The following CNTNAP2 variants were observed in gnomAD, a reference collection of about 807,000 sequenced individuals.
CNTNAP2 encodes contactin-associated protein-like 2.
CNTNAP2 carries 98 observed loss-of-function variants against 155.2 expected under a neutral mutation model. That is an observed-to-expected ratio of 0.63 (90% confidence interval 0.54 to 0.75). The LOEUF (loss-of-function observed/expected upper bound fraction) is 0.75. Among genes scored for constraint, CNTNAP2 ranks in the 30% least tolerant of loss-of-function variants. CNTNAP2 has a pLI of 0.00. For missense variants in CNTNAP2, 1,727 were observed against 1,688.1 expected, an observed-to-expected ratio of 1.02 and a Z score of -0.40; for synonymous variants, 651 against 631.2, an observed-to-expected ratio of 1.03 and a Z score of -0.47.
intron 8 of CNTNAP2, among the ~76,000 whole-genome samples, chr7:147,157,834 A>T (rs1211170755): frequency 5.3e-5 from 8 of 152,132 alleles, no homozygotes. Flanking sequence ...AATGTACCAT[A>T]TTTATCAGAA....
At chr7:147,861,322 G>C (rs1799129354) in intron 13 of CNTNAP2, among the ~76,000 whole-genome samples, 1 of 152,150 alleles carries the variant, frequency 6.6e-6, no homozygotes, top group Non-Finnish European at 1.5e-5. Flanking sequence ...CATTATATTA[G>C]TGTAATAGAG....
At chr7:147,660,793 A>G (rs1253416190) in intron 13 of CNTNAP2, among the ~76,000 whole-genome samples, 1 of 152,222 alleles carries the variant, frequency 6.6e-6, no homozygotes, top group Admixed American at 6.5e-5. Context: ...GCCTTTGCTT[A>G]AAGAGAAGTA....
intron 13 of CNTNAP2, among the ~76,000 whole-genome samples, chr7:147,850,743 C>A (rs1318906444): frequency 6.6e-6 from 1 of 152,154 alleles, no homozygotes. Context: ...AACTGGATCC[C>A]TTCCTTACAC....
At chr7:147,123,009 T>C (rs1206184940) in intron 6 of CNTNAP2, 1 of 152,180 alleles carries the variant, frequency 6.6e-6, no homozygotes, top group Non-Finnish European at 1.5e-5. Flanking sequence ...GAATATACGA[T>C]ATATATTCTT....
intron 13 of CNTNAP2, among the ~76,000 whole-genome samples, chr7:147,721,852 C>T (rs1304701560): frequency 6.6e-6 from 1 of 152,116 alleles, no homozygotes; most frequent in Non-Finnish European, 1.5e-5. Context: ...TATATACCTC[C>T]ATCATTTCCA....
At chr7:147,397,995 C>T (rs1406124284) in intron 10 of CNTNAP2, among the ~76,000 whole-genome samples, 1 of 151,990 alleles carries the variant, frequency 6.6e-6, no homozygotes, top group East Asian at 1.9e-4. Flanking sequence ...AACATCTGTA[C>T]ATTAAATACC....
At chr7:147,887,780 A>C (rs1447487741) in intron 13 of CNTNAP2, among the ~76,000 whole-genome samples, 1 of 152,196 alleles carries the variant, frequency 6.6e-6, no homozygotes, top group Non-Finnish European at 1.5e-5. Context: ...AAAATGGAAA[A>C]ATCCACTCTA....
chr7:147,792,859 A>T (rs897030187), intron 13 of CNTNAP2, among the ~76,000 whole-genome samples: 35 of 152,262 alleles, frequency 2.3e-4, no homozygotes, highest in African/African-American at 7.7e-4. Flanking sequence ...TCTTGGCAAC[A>T]TATGTTATTG....
At chr7:147,117,938 T>C (rs543285337) in intron 5 of CNTNAP2, among the ~76,000 whole-genome samples, 2 of 152,134 alleles carry the variant, frequency 1.3e-5, no homozygotes, top group South Asian at 4.1e-4. Context: ...TACATTAAAA[T>C]AAAAGTAACA....
intron 4 of CNTNAP2, among the ~76,000 whole-genome samples, chr7:147,053,770 A>C (rs1469005923): frequency 2.0e-5 from 3 of 152,128 alleles, no homozygotes; most frequent in Non-Finnish European, 4.4e-5. Flanking sequence ...AAACATATTA[A>C]AACAAAAGTA....
At chr7:148,062,547 A>G (rs1803177501) in intron 15 of CNTNAP2, among the ~76,000 whole-genome samples, 1 of 152,192 alleles carries the variant, frequency 6.6e-6, no homozygotes. Context: ...GATTGACATA[A>G]AGTCTAAACA....
intron 3 of CNTNAP2, among the ~76,000 whole-genome samples, chr7:146,938,556 T>C (rs141922641): frequency 1.4e-4 from 22 of 151,914 alleles, no homozygotes; most frequent in African/African-American, 4.8e-4. Context: ...CCACTCCACA[T>C]CCATGTTACA....
intron 8 of CNTNAP2, among the ~76,000 whole-genome samples, chr7:147,201,342 C>G (rs1378412408): frequency 6.6e-6 from 1 of 151,982 alleles, no homozygotes; most frequent in South Asian, 2.1e-4. Flanking sequence ...TATCCCTGTC[C>G]CAAACACCCA....
intron 11 of CNTNAP2, among the ~76,000 whole-genome samples, chr7:147,506,699 A>C (rs10236330): frequency 0.078 from 11,897 of 152,288 alleles, 697 homozygotes; most frequent in East Asian, 0.3. Flanking sequence ...GTTTAACCTA[A>C]TGAATCAAAG....
chr7:147,654,046 A>G (rs999882923), intron 13 of CNTNAP2, among the ~76,000 whole-genome samples: 1 of 152,218 alleles, frequency 6.6e-6, no homozygotes, highest in African/African-American at 2.4e-5. Flanking sequence ...AAATTTGCAT[A>G]AAGAGAACTG....
At chr7:148,090,262 C>T (rs888091951) in intron 15 of CNTNAP2, among the ~76,000 whole-genome samples, 1 of 151,906 alleles carries the variant, frequency 6.6e-6, no homozygotes, top group Non-Finnish European at 1.5e-5. Context: ...AATGGAATGA[C>T]ATCAAACTAA....
At chr7:147,168,132 T>G (rs1802155516) in intron 8 of CNTNAP2, among the ~76,000 whole-genome samples, 1 of 149,214 alleles carries the variant, frequency 6.7e-6, no homozygotes, top group Admixed American at 6.7e-5. Flanking sequence ...ACATAATGTA[T>G]TTCTATATCT....
intron 1 of CNTNAP2, among the ~76,000 whole-genome samples, chr7:146,543,800 T>C (rs1797989044): frequency 6.6e-6 from 1 of 151,948 alleles, no homozygotes; most frequent in African/African-American, 2.4e-5. Context: ...TCTCCTTTAG[T>C]TCAGGCCTGA....
intron 2 of CNTNAP2, among the ~76,000 whole-genome samples, chr7:146,831,669 CAA>C (rs531970313): frequency 1.2e-4 from 2 of 16,816 alleles, no homozygotes; most frequent in Admixed American, 1.7e-3. Flanking sequence ...AGCAAGACGC[CAA>C]AAAAAAAAAA....
Sources: allele counts gnomAD v4.1 joint callset (sites outside exome capture counted in the v4.1 genomes callset), GRCh38; gene constraint gnomAD v4.1.1; transcripts MANE v1.5; gene names NCBI Gene and HGNC (gene_info 2026-07-23, HGNC 2026-07-21).